The following OSBPL10 variants were observed in gnomAD, a reference collection of about 807,000 sequenced individuals.
OSBPL10 encodes oxysterol binding protein like 10, also known as oxysterol-binding protein-related protein 10.
Under a neutral mutation model 81.7 loss-of-function variants are expected in OSBPL10, and 49 were observed. The ratio of observed to expected loss-of-function variants is 0.60; its 90% CI spans 0.48 to 0.76. OSBPL10 has a LOEUF of 0.76. Ranked by LOEUF, OSBPL10 falls within the 30% of genes least tolerant of loss-of-function variation. The pLI is 0.00. For missense variants in OSBPL10, 923 were observed against 987.8 expected (o/e 0.93, Z 0.88); for synonymous variants, 419 against 383.6 (o/e 1.09, Z -1.08).
Position 31,897,867 on chromosome 3 carries a change from G to T in OSBPL10, c.282-18037C>A, listed in dbSNP as rs899216806. ...TACTAAAAATACAAAAATTAGCTGG[G>T]CGTGGTGGCAGGCGCCTGTAGTCCC... On this transcript the variant is annotated intron_variant, in intron 1 of 11. Coordinates refer to ENST00000396556, the MANE Select transcript of OSBPL10 (RefSeq NM_017784.5). 6.6e-5 allele frequency among the ~76,000 whole-genome samples: 10 copies of T among 151,986 alleles called. No individual in the cohort carries two copies. In the East Asian group the frequency reaches 1.7e-3, roughly 27 times the overall value.
At chr3:32,015,182 C>T (rs1300459999) in intron 2 of OSBPL10, among the ~76,000 whole-genome samples, 1 of 152,166 alleles carries the variant, frequency 6.6e-6, no homozygotes, top group East Asian at 1.9e-4. Flanking sequence ...ATCACACTAC[C>T]TGACTTCAAA....
intron 4 of OSBPL10, among the ~76,000 whole-genome samples, chr3:31,783,144 T>C (rs867082789): frequency 0.056 from 5,616 of 100,346 alleles, 238 homozygotes; most frequent in African/African-American, 0.11. Context: ...TATATATATA[T>C]ATACACACAC....
chr3:31,770,786 C>CA lies in OSBPL10; in HGVS notation c.730-22667dup, dbSNP rs937463433. Among the ~76,000 whole-genome samples, 24 of 149,638 alleles carry CA rather than the reference C, an allele frequency of 1.6e-4. 3 individuals are homozygous for CA. The highest frequency in any genetic ancestry group is 7.8e-4 in the East Asian group (4 of 5,130). Reference sequence around the variant, plus strand: ...GGGCAACAAGGGCAAAACTCTGTCTCAAAAAAAAAGAAGGGAACTAGTTTT... The same window carrying CA: ...GGGCAACAAGGGCAAAACTCTGTCTCAAAAAAAAAAGAAGGGAACTAGTTTT... On this transcript the variant is annotated intron_variant, in intron 4 of 11. Transcript: ENST00000396556.
intron 3 of OSBPL10, among the ~76,000 whole-genome samples, chr3:31,875,270 A>T (rs146379256): frequency 6.6e-6 from 1 of 152,306 alleles, no homozygotes; most frequent in African/African-American, 2.4e-5. Flanking sequence ...AGGTGGGGAT[A>T]AGTCCTTCTA....
At chr3:31,788,984 G>GT (rs965925637) in intron 4 of OSBPL10, among the ~76,000 whole-genome samples, 4 of 148,912 alleles carry the variant, frequency 2.7e-5, no homozygotes, top group African/African-American at 9.9e-5. Flanking sequence ...GTTTTGTTTT[G>GT]TTTTTTGTTT....
At chr3:32,018,728 A>G (rs1408706775) in intron 2 of OSBPL10, among the ~76,000 whole-genome samples, 1 of 152,172 alleles carries the variant, frequency 6.6e-6, no homozygotes, top group Non-Finnish European at 1.5e-5. Context: ...AATGCAAGAC[A>G]TTATATTTGA....
Position 31,913,229 on chromosome 3 carries a change from T to G in OSBPL10, c.282-33399A>C, listed in dbSNP as rs569743037. 1.9e-4 allele frequency among the ~76,000 whole-genome samples: 25 copies of G among 134,122 alleles called. No homozygotes were observed. In the East Asian group the frequency reaches 4.7e-3, roughly 25 times the overall value. 88.0% of individuals were successfully genotyped at this position (134,122 alleles called of 152,430 possible). ...TGTAAATGGACACAGAAGTACTAGG[T>G]TTTTTTTTTTATTTTGTTTTTTGTT... is the stretch of plus-strand genomic sequence containing the variant. On this transcript the variant is annotated intron_variant, in intron 1 of 11. Coordinates refer to ENST00000396556, the MANE Select transcript of OSBPL10 (RefSeq NM_017784.5).
At chr3:31,785,269 A>G (rs1040014012) in intron 4 of OSBPL10, among the ~76,000 whole-genome samples, 1 of 152,234 alleles carries the variant, frequency 6.6e-6, no homozygotes, top group African/African-American at 2.4e-5. Flanking sequence ...ATATGACCTC[A>G]ATTTTATCCA....
chr3:31,727,088 C>T (rs1333092625), intron 6 of OSBPL10, among the ~76,000 whole-genome samples: 2 of 151,996 alleles, frequency 1.3e-5, no homozygotes, highest in Admixed American at 1.3e-4. Flanking sequence ...CTGCTTTGAC[C>T]TCCTAAAATG....
At chr3:31,822,092 G>A (rs927375540) in intron 4 of OSBPL10, 1 of 152,188 alleles carries the variant, frequency 6.6e-6, no homozygotes, top group Non-Finnish European at 1.5e-5. Context: ...AATTCACATA[G>A]GTGAGATGAC....
At chr3:31,989,888 A>C in intron 2 of OSBPL10, 1 of 1,614,180 alleles carries the variant, frequency 6.2e-7, no homozygotes, top group Non-Finnish European at 8.5e-7. Flanking sequence ...TTTAATCAGA[A>C]GCGATACCTT....
intron 4 of OSBPL10, among the ~76,000 whole-genome samples, chr3:31,776,300 A>G (rs1298623290): frequency 6.6e-6 from 1 of 152,238 alleles, no homozygotes; most frequent in African/African-American, 2.4e-5. Flanking sequence ...GTCATTAAAA[A>G]AGGAGAAAAT....
chr3:31,720,465 G>T (rs73053304), intron 6 of OSBPL10, among the ~76,000 whole-genome samples: 1 of 152,190 alleles, frequency 6.6e-6, no homozygotes, highest in Non-Finnish European at 1.5e-5. Context: ...CAGCTGAGCT[G>T]ACTGCTTTCC....
upstream of OSBPL10, chr3:31,981,361 A>G (rs773665706): frequency 9.3e-7 from 1 of 1,073,292 alleles, no homozygotes. This position sits in a 1 kb window ranked among gnomAD's most constrained non-coding sequence, Gnocchi z 4.5. Flanking sequence ...AAGGAAGCCA[A>G]CGGGGCTGGA....
intron 2 of OSBPL10, among the ~76,000 whole-genome samples, chr3:32,035,106 G>C (rs1051720745): frequency 2.6e-5 from 4 of 151,746 alleles, no homozygotes; most frequent in Non-Finnish European, 2.9e-5. Flanking sequence ...AGAATGAGGA[G>C]ATAGGAGAGT....
intron 1 of OSBPL10, among the ~76,000 whole-genome samples, chr3:31,970,230 C>T (rs1319562750): frequency 2.0e-5 from 3 of 152,096 alleles, no homozygotes; most frequent in Admixed American, 6.5e-5. Context: ...AAGCATATTC[C>T]TCCCCCTCCC....
chr3:31,686,482 A>G (rs1344823406), intron 7 of OSBPL10, among the ~76,000 whole-genome samples: 1 of 152,228 alleles, frequency 6.6e-6, no homozygotes, highest in Non-Finnish European at 1.5e-5. Context: ...AAAATTGAAC[A>G]TGTAATACAA....
intron 5 of OSBPL10, among the ~76,000 whole-genome samples, chr3:31,744,358 TGGAGAA>T (rs1295087546): frequency 6.6e-6 from 1 of 151,868 alleles, no homozygotes; most frequent in Non-Finnish European, 1.5e-5. Flanking sequence ...CTGGGCAACA[TGGAGAA>T]ATCCGGTCCT....
intron 6 of OSBPL10, among the ~76,000 whole-genome samples, chr3:31,706,415 C>T (rs1575489276): frequency 6.6e-6 from 1 of 152,186 alleles, no homozygotes; most frequent in Non-Finnish European, 1.5e-5. Flanking sequence ...TGACCTCCAG[C>T]CTCTTGAGGA....
Sources: gnomAD v4.1 joint callset for allele counts (sites outside exome capture counted in the v4.1 genomes callset) on GRCh38, gnomAD v4.1.1 for gene constraint, Gnocchi (gnomAD v3.1) non-coding constraint, MANE v1.5 for transcripts, NCBI Gene and HGNC (gene_info 2026-07-23, HGNC 2026-07-21) for gene names.